The following TRPC7 variants were observed in gnomAD, a reference collection of about 807,000 sequenced individuals.
TRPC7 encodes the protein short transient receptor potential channel 7.
TRPC7 carries 42 observed loss-of-function variants against 90.1 expected under a neutral mutation model. The ratio of observed to expected loss-of-function variants is 0.47; its 90% CI spans 0.36 to 0.60. The LOEUF is 0.60. Among genes scored for constraint, TRPC7 ranks in the 20% least tolerant of loss-of-function variants. The pLI is 0.00. For missense variants in TRPC7, 955 were observed against 1,112.3 expected, an observed-to-expected ratio of 0.86 and a Z score of 2.01; for synonymous variants, 451 against 436.3, an observed-to-expected ratio of 1.03 and a Z score of -0.42.
rs548106918 is a variant in TRPC7, at chr5:136,347,953, C to T, written c.780+8655G>A. 5.3e-5 allele frequency among the ~76,000 whole-genome samples: 8 copies of T among 152,346 alleles called. No individual in the cohort carries two copies. In the South Asian group the frequency reaches 1.2e-3, roughly 24 times the overall value. On this transcript the variant is annotated intron_variant, in intron 2 of 11. Transcript: ENST00000513104. ...AGGAGCCAGTCACCTGCTCCAACTG[C>T]GCTGTGGCTTCATCTGCAATGAAGC... is the stretch of plus-strand genomic sequence containing the variant.
At chr5:136,348,288 C>T (rs1236065769) in intron 2 of TRPC7, among the ~76,000 whole-genome samples, 1 of 152,224 alleles carries the variant, frequency 6.6e-6, no homozygotes, top group Non-Finnish European at 1.5e-5. Context: ...TTTACTCCCT[C>T]CAGTAGATCC....
At chr5:136,326,424 G>A (rs1353830709) in intron 2 of TRPC7, among the ~76,000 whole-genome samples, 1 of 152,028 alleles carries the variant, frequency 6.6e-6, no homozygotes, top group African/African-American at 2.4e-5. Context: ...TGGATGGTGG[G>A]GTCCTGTAGA....
At chr5:136,288,313 G>A (rs990383878) in intron 3 of TRPC7, among the ~76,000 whole-genome samples, 1 of 152,004 alleles carries the variant, frequency 6.6e-6, no homozygotes, top group Non-Finnish European at 1.5e-5. Flanking sequence ...CACATTTAAT[G>A]CTGTATATAC....
chr5:136,274,599 A>T, intron 4 of TRPC7, 74 bp downstream of exon 4: 1 of 1,369,120 alleles, frequency 7.3e-7, no homozygotes, highest in Non-Finnish European at 9.5e-7. Flanking sequence ...TAATTTGAAC[A>T]AAATGGATTT....
At chr5:136,278,552 C>T (rs552923500) in intron 3 of TRPC7, among the ~76,000 whole-genome samples, 20 of 152,242 alleles carry the variant, frequency 1.3e-4, no homozygotes, top group African/African-American at 4.8e-4. Flanking sequence ...GTAGAAGTGC[C>T]AGGAGATTAA....
At position 136,268,485 on chromosome 5, in the gene TRPC7, C is replaced by T. The variant is rs1422654249; in HGVS notation, c.1129-2049G>A. Among the ~76,000 whole-genome samples, 10 of 152,302 alleles carry T rather than the reference C, an allele frequency of 6.6e-5. No homozygotes were observed. In the East Asian group the frequency reaches 1.9e-3, roughly 29 times the overall value. ...TTTATCTGTGGTCTCTACCTAATAT[C>T]TTCAGTGATAATCTGGATGAGGATA... On this transcript the variant is annotated intron_variant, in intron 4 of 11. Coordinates refer to ENST00000513104, the MANE Select transcript of TRPC7 (RefSeq NM_020389.3).
intron 10 of TRPC7, among the ~76,000 whole-genome samples, chr5:136,217,233 G>A (rs1755296053): frequency 1.3e-5 from 2 of 152,228 alleles, no homozygotes; most frequent in Admixed American, 1.3e-4. Flanking sequence ...AGAGGACAGA[G>A]GCAGCATTTT....
intron 6 of TRPC7, among the ~76,000 whole-genome samples, chr5:136,248,706 GACC>G (rs1756424699): frequency 6.6e-6 from 1 of 152,180 alleles, no homozygotes. Flanking sequence ...TGGTCACTGT[GACC>G]ACAAGGGCCT....
chr5:136,316,385 G>T (rs917473477), intron 2 of TRPC7, among the ~76,000 whole-genome samples: 5 of 152,170 alleles, frequency 3.3e-5, no homozygotes, highest in Admixed American at 1.3e-4. Flanking sequence ...GCTTTTTTGT[G>T]TGCCAGAAAA....
At chr5:136,362,500 A>G (rs1368049384) in intron 1 of TRPC7, among the ~76,000 whole-genome samples, 1 of 152,204 alleles carries the variant, frequency 6.6e-6, no homozygotes, top group Non-Finnish European at 1.5e-5. Flanking sequence ...TTAGAAATGT[A>G]TAGCGAACAT....
At chr5:136,348,234 C>T in intron 2 of TRPC7, among the ~76,000 whole-genome samples, 1 of 152,242 alleles carries the variant, frequency 6.6e-6, no homozygotes, top group East Asian at 1.9e-4. Flanking sequence ...ATGGCAAAGC[C>T]ATGGCTAAGG....
intron 8 of TRPC7, among the ~76,000 whole-genome samples, chr5:136,228,636 G>A (rs1359483930): frequency 6.6e-6 from 1 of 152,004 alleles, no homozygotes; most frequent in Non-Finnish European, 1.5e-5. Context: ...GGCTGGGGTG[G>A]GGGGAGTTGA....
intron 5 of TRPC7, among the ~76,000 whole-genome samples, chr5:136,263,774 T>A (rs1455972144): frequency 6.6e-6 from 1 of 152,142 alleles, no homozygotes; most frequent in Admixed American, 6.5e-5. Flanking sequence ...CATGTTACAT[T>A]TCAGTGATAT....
chr5:136,287,661 A>G (rs550335718), intron 3 of TRPC7, among the ~76,000 whole-genome samples: 105 of 123,290 alleles, frequency 8.5e-4, no homozygotes, highest in African/African-American at 3.0e-3. Context: ...AGCACCTGCT[A>G]TAGTGTCAGG....
Position 136,231,339 on chromosome 5 carries a change from G to C in TRPC7, c.2040+15C>G. The C allele has an allele frequency of 6.4e-7, 1 of 1,564,612 alleles. No individual in the cohort carries two copies. ...AGATGAAGGAGAGCAAGCATTTTCA[G>C]TGACCTGGCCTTACCTCAATTTCCT... is the stretch of plus-strand genomic sequence containing the variant. On this transcript the variant is annotated intron_variant, in intron 8 of 11. Transcript: ENST00000513104.
At chr5:136,254,631 C>T (rs949578661) in intron 5 of TRPC7, among the ~76,000 whole-genome samples, 3 of 152,166 alleles carry the variant, frequency 2.0e-5, no homozygotes, top group Admixed American at 6.5e-5. Flanking sequence ...GAGCTCTGAT[C>T]GAGATATACA....
intron 1 of TRPC7, among the ~76,000 whole-genome samples, chr5:136,363,540 G>A (rs1760632679): frequency 6.6e-6 from 1 of 152,080 alleles, no homozygotes; most frequent in Admixed American, 6.5e-5. Context: ...CATTTCACCA[G>A]TTAAATCCTA....
chr5:136,252,879 C>T (rs115612084), intron 5 of TRPC7, among the ~76,000 whole-genome samples: 3,132 of 152,288 alleles, frequency 0.021, 42 homozygotes, highest in Middle Eastern at 0.037. Context: ...TACCAGTTGG[C>T]GGCCCAGGGG....
At chr5:136,302,324 T>C (rs13181066) in intron 3 of TRPC7, among the ~76,000 whole-genome samples, 18,423 of 151,880 alleles carry the variant, frequency 0.12, 1,165 homozygotes, top group African/African-American at 0.14. Flanking sequence ...TACCCCTCAA[T>C]CCCTTCTTCA....
Sources: gnomAD v4.1 joint callset for allele counts (sites outside exome capture counted in the v4.1 genomes callset) on GRCh38, gnomAD v4.1.1 for gene constraint, MANE v1.5 for transcripts, NCBI Gene and HGNC (gene_info 2026-07-23, HGNC 2026-07-21) for gene names.